Variants in LIME1 observed in about 807,000 individuals in gnomAD.
The protein encoded by LIME1 is lck-interacting transmembrane adapter 1.
LIME1 carries 23 observed loss-of-function variants against 18.8 expected under a neutral mutation model. The ratio of observed to expected loss-of-function variants is 1.22; its 90% CI spans 0.88 to 1.73. LIME1 has a LOEUF of 1.73. Ranked by LOEUF, LIME1 falls within the 40% of genes most tolerant of loss-of-function variation. The probability of loss-of-function intolerance (pLI) is 0.00; values close to 1 mark genes in which losing one functional copy is unlikely to be tolerated. For synonymous variants in LIME1, 177 were observed against 182.3 expected (o/e 0.97, Z 0.23); for missense variants, 423 against 396.8 (o/e 1.07, Z -0.56).
rs777384373 is a variant in LIME1, at chr20:63,737,825, G to A, written c.103G>A (p.Glu35Lys). ...WALCTACRRP[E>K]DAVAPRKRAR... ...CCCCCCACCTCTACCCCCAAGGCCC[G>A]AGGACGCTGTAGCCCCCAGGAAGAG... The change falls in exon 3 of 6, where the codon GAG (glutamate) becomes AAG (lysine). Residue 35 changes from glutamate (E) to lysine (K), a missense_variant. By Grantham distance (56) the Glu-to-Lys change is moderately conservative (BLOSUM62 1). Coordinates refer to ENST00000309546, the MANE Select transcript of LIME1 (RefSeq NM_017806.4). The A allele has an allele frequency of 4.3e-6, 5 of 1,169,318 alleles. No individual in the cohort carries two copies. The highest frequency in any genetic ancestry group is 1.4e-5 in the South Asian group (1 of 73,114). 72.4% of individuals were successfully genotyped at this position (1,169,318 alleles called of 1,614,324 possible).
intron 4 of LIME1, 61 bp from the exon 5 acceptor site, chr20:63,738,122 C>A: frequency 6.6e-7 from 1 of 1,525,246 alleles, no homozygotes. Flanking sequence ...GTGCCAACCC[C>A]TGGGCCAGAC....
intron 1 of LIME1, chr20:63,737,169 C>T: frequency 2.0e-6 from 2 of 1,022,652 alleles, no homozygotes; most frequent in Non-Finnish European, 2.3e-6. Flanking sequence ...AGGGTGGCTG[C>T]AGGTGGAGTC....
In LIME1 at chr20:63,738,594, C is replaced by T; in HGVS notation, c.586-4C>T. The stretch of plus-strand genomic sequence containing the variant: ...CCCTCCTCGGGTTGGCTTCCTGTCT[C>T]CAGGTGGACGTCCTGTACTCCAGGG... On this transcript the variant is annotated splice_region_variant and splice_polypyrimidine_tract_variant and intron_variant, in intron 5 of 5. Coordinates refer to ENST00000309546, the MANE Select transcript of LIME1 (RefSeq NM_017806.4). 1 of 1,544,130 alleles carries T rather than the reference C, an allele frequency of 6.5e-7. No individual in the cohort carries two copies. Among genetic ancestry groups the T allele is most frequent in the Non-Finnish European group, 8.7e-7 (1 of 1,146,428 alleles).
upstream of LIME1, chr20:63,736,034 T>A (rs1043273089): frequency 7.0e-7 from 1 of 1,435,784 alleles, no homozygotes; most frequent in African/African-American, 1.4e-5. Flanking sequence ...CAGACACTGC[T>A]GAGTGGAGAC....
Position 63,738,392 on chromosome 20 carries a change from G to A in LIME1, c.478G>A (p.Ala160Thr). 1 of 1,556,306 alleles carries A rather than the reference G, an allele frequency of 6.4e-7. No homozygotes were observed. Among genetic ancestry groups the A allele is most frequent in the Non-Finnish European group, 8.7e-7 (1 of 1,151,284 alleles). The change falls in exon 5 of 6, where the codon GCC becomes ACC. Residue 160 changes from alanine to threonine, a missense_variant. Physicochemically the swap from Ala to Thr is moderately conservative, Grantham distance 58 (BLOSUM62 0). Coordinates refer to ENST00000309546, the MANE Select transcript of LIME1 (RefSeq NM_017806.4). ...LAALPGVSLA[A>T]SPVVAEYARV... ...GGCCCTTCCCGGGGTCAGCCTGGCG[G>A]CCAGCCCTGTGGTGGCCGAGTATGC...
At position 63,738,057 on chromosome 20, in the gene LIME1, AG is replaced by A; in HGVS notation, c.268+1del. Reference sequence around the variant, plus strand: ...GCTGCACCGGGGCCCGCGCAGCAGCAGGGGTGAGCAGAGGGCGGGGCGGGGG... The same window carrying A: ...GCTGCACCGGGGCCCGCGCAGCAGCAGGGTGAGCAGAGGGCGGGGCGGGGG... ...HELHRGPRSS[R>X]ALRPASMDLL... On this transcript the variant is annotated frameshift_variant and splice_region_variant, in exon 4 of 6. Coordinates refer to ENST00000309546, the MANE Select transcript of LIME1 (RefSeq NM_017806.4). LOFTEE classifies it high-confidence loss of function. The A allele has an allele frequency of 7.7e-7, 1 of 1,293,436 alleles. No homozygotes were observed. The highest frequency in any genetic ancestry group is 1.1e-6 in the Non-Finnish European group (1 of 940,290). The allele number at this position is 1,293,436 out of a possible 1,614,324, so 80.1% of individuals were successfully genotyped here. A position where few individuals can be genotyped will look rare whatever the true frequency, so the allele number is the denominator to read the frequency against.
rs2092019202 is a variant in LIME1 at position 63,738,269 on chromosome 20, G to A, written c.355G>A (p.Ala119Thr). The change falls in exon 5 of 6, where the codon GCC (alanine) becomes ACC (threonine). Residue 119 changes from alanine to threonine, a missense_variant. Transcript: ENST00000309546. Reference protein sequence around the residue: ...DITGPQAAPSAFPHQELPRAL... With the variant: ...DITGPQAAPSTFPHQELPRAL... Reference sequence around the variant, plus strand: ...CACCGGACCGCAGGCAGCCCCCTCTGCCTTCCCACACCAGGAGCTGCCCCG... The same window carrying A: ...CACCGGACCGCAGGCAGCCCCCTCTACCTTCCCACACCAGGAGCTGCCCCG... 1 of 1,585,492 alleles carries A rather than the reference G, an allele frequency of 6.3e-7. No homozygotes were observed.
intron 2 of LIME1, 34 bp from the exon 3 acceptor site, chr20:63,737,787 A>ACCCCCC: frequency 3.0e-6 from 4 of 1,322,750 alleles, no homozygotes; most frequent in African/African-American, 1.6e-5. Context: ...GAGGCTGACG[A>ACCCCCC]CCCCGCCCCC....
intron 1 of LIME1, 99 bp from the exon 2 acceptor site, chr20:63,737,434 C>T: frequency 2.2e-6 from 3 of 1,382,572 alleles, no homozygotes; most frequent in Non-Finnish European, 2.8e-6. Flanking sequence ...GAACGGGAGA[C>T]GCAGGAGCCC....
Position 63,738,376 on chromosome 20 carries a change from C to T in LIME1, c.462C>T (p.Pro154=), listed in dbSNP as rs1189984250. Residue 154 remains proline, a synonymous_variant, in exon 5 of 6, where the codon CCC becomes CCT. Coordinates refer to ENST00000309546, the MANE Select transcript of LIME1 (RefSeq NM_017806.4). ...TYSNVGLAAL[P]GVSLAASPVV... ...CCAACGTGGGGCTGGCGGCCCTTCC[C>T]GGGGTCAGCCTGGCGGCCAGCCCTG... The T allele has an allele frequency of 6.4e-7, 1 of 1,555,506 alleles. No individual in the cohort carries two copies. Among genetic ancestry groups the T allele is most frequent in the East Asian group, 2.4e-5 (1 of 41,850 alleles).
At chr20:63,737,233 C>A (rs544921312) in intron 1 of LIME1, 30 of 1,145,960 alleles carry the variant, frequency 2.6e-5, no homozygotes, top group Non-Finnish European at 3.2e-5. Flanking sequence ...ACTATCTGGG[C>A]TATGGTGGCC....
In LIME1 at chr20:63,738,592, C is replaced by G. The variant is rs1047065885; in HGVS notation, c.586-6C>G. On this transcript the variant is annotated splice_region_variant and splice_polypyrimidine_tract_variant and intron_variant, in intron 5 of 5. Coordinates refer to ENST00000309546, the MANE Select transcript of LIME1 (RefSeq NM_017806.4). ...ACCCCTCCTCGGGTTGGCTTCCTGTCTCCAGGTGGACGTCCTGTACTCCAG... is the reference window on the plus strand; with the variant it reads ...ACCCCTCCTCGGGTTGGCTTCCTGTGTCCAGGTGGACGTCCTGTACTCCAG... 1 of 1,542,848 alleles carries G rather than the reference C, an allele frequency of 6.5e-7. No individual in the cohort carries two copies. The highest frequency in any genetic ancestry group is 8.7e-7 in the Non-Finnish European group (1 of 1,145,822).
chr20:63,737,736 C>A, intron 2 of LIME1, 85 bp from the exon 3 acceptor site: 1 of 1,418,356 alleles, frequency 7.1e-7, no homozygotes. Flanking sequence ...CAGGTCCGCG[C>A]ACCCAGCTCG....
chr20:63,735,755 A>G, upstream of LIME1: 2 of 1,574,220 alleles, frequency 1.3e-6, no homozygotes, highest in Middle Eastern at 1.8e-4. Context: ...CCAGGACCCC[A>G]CGCTGACTAG....
intron 5 of LIME1, 25 bp downstream of exon 5, chr20:63,738,524 T>C: frequency 6.6e-7 from 1 of 1,508,616 alleles, no homozygotes; most frequent in Non-Finnish European, 8.9e-7. Context: ...GGTAGGGCGC[T>C]GTGGGTGGGG....
At position 63,738,649 on chromosome 20, in the gene LIME1, C is replaced by A; in HGVS notation, c.637C>A (p.Pro213Thr). The change falls in exon 6 of 6, where the codon CCC becomes ACC. Residue 213 changes from proline (P) to threonine (T), a missense_variant. Physicochemically the swap from Pro to Thr is conservative, Grantham distance 38. Transcript: ENST00000309546. ...CAAGCCTAAAAGGAGGGACCCAGGA[C>A]CCACCACAGACCCGCTGGACCCCAA... The part of the protein sequence containing the change: ...VCKPKRRDPG[P>T]TTDPLDPKGQ... The A allele has an allele frequency of 6.2e-7, 1 of 1,609,744 alleles. No individual in the cohort carries two copies. The highest frequency in any genetic ancestry group is 8.5e-7 in the Non-Finnish European group (1 of 1,178,442).
At chr20:63,737,792 G>GC (rs2092009174) in intron 2 of LIME1, 29 bp from the exon 3 acceptor site, 2 of 816,468 alleles carry the variant, frequency 2.4e-6, no homozygotes, top group Non-Finnish European at 3.5e-6. Flanking sequence ...TGACGACCCC[G>GC]CCCCCCGCCC....
In LIME1 at chr20:63,738,819, G is replaced by T. The variant is rs746617699; in HGVS notation, c.807G>T (p.Thr269=). Residue 269 remains threonine, a synonymous_variant, in exon 6 of 6, where the codon ACG becomes ACT. Transcript: ENST00000309546. ...GGGACCCTGCTGGCAGGAGCAGCAC[G>T]TGCGGGGCTGGGACGCCCCCTGCTT... The part of the protein sequence containing the change: ...ELGDPAGRSS[T]CGAGTPPASS... The T allele has an allele frequency of 9.3e-6, 15 of 1,612,210 alleles. No homozygotes were observed. Among genetic ancestry groups the T allele is most frequent in the Non-Finnish European group, 1.2e-5 (14 of 1,179,688 alleles).
upstream of LIME1, chr20:63,735,851 G>A (rs755222790): frequency 2.5e-6 from 4 of 1,612,686 alleles, no homozygotes; most frequent in African/African-American, 5.3e-5. Context: ...GCAGCTCCGG[G>A]CTCAGGAAGC....
Sources: gnomAD v4.1 joint callset for allele counts on GRCh38, gnomAD v4.1.1 for gene constraint, MANE v1.5 for transcripts, NCBI Gene and HGNC (gene_info 2026-07-23, HGNC 2026-07-21) for gene names.